The following TNNI3K variants were observed in gnomAD, a reference collection of about 807,000 sequenced individuals.
The protein encoded by TNNI3K is serine/threonine-protein kinase TNNI3K.
In TNNI3K, 140 loss-of-function variants were observed where a neutral mutation model predicts 114.5. The ratio of observed to expected loss-of-function variants is 1.22; its 90% CI spans 1.07 to 1.41. The LOEUF is 1.41. Ranked by LOEUF, TNNI3K falls within the 40% of genes most tolerant of loss-of-function variation. The pLI, the probability that TNNI3K is intolerant of heterozygous loss-of-function variation, is 0.00. For synonymous variants in TNNI3K, 347 were observed against 347.5 expected (o/e 1.00, Z 0.02); for missense variants, 1,125 against 1,007.6 (o/e 1.12, Z -1.58).
At chr1:74,488,051 AT>A (rs1288019934) in intron 21 of TNNI3K, among the ~76,000 whole-genome samples, 1 of 152,350 alleles carries the variant, frequency 6.6e-6, no homozygotes, top group South Asian at 2.1e-4. Context: ...AGGTCAGGCT[AT>A]TTTAATGATC....
intron 20 of TNNI3K, among the ~76,000 whole-genome samples, chr1:74,453,617 A>G (rs1667114789): frequency 6.6e-6 from 1 of 152,168 alleles, no homozygotes; most frequent in Non-Finnish European, 1.5e-5. Context: ...CACAAGTGAT[A>G]GGGATACATT....
At chr1:74,244,981 A>T (rs528069376) in intron 2 of TNNI3K, among the ~76,000 whole-genome samples, 3 of 152,308 alleles carry the variant, frequency 2.0e-5, no homozygotes, top group African/African-American at 7.2e-5. Context: ...TCTCATGTGC[A>T]GTTCTGTGTT....
chr1:74,405,876 G>A (rs1040247163), intron 17 of TNNI3K, among the ~76,000 whole-genome samples: 1 of 152,118 alleles, frequency 6.6e-6, no homozygotes, highest in Non-Finnish European at 1.5e-5. Flanking sequence ...TTGGACTTTT[G>A]CTTACTATAA....
chr1:74,236,126 A>G lies in TNNI3K; in HGVS notation c.65A>G (p.Glu22Gly), dbSNP rs200833983. 1 of 1,607,522 alleles carries G rather than the reference A, an allele frequency of 6.2e-7. No individual in the cohort carries two copies. The highest frequency in any genetic ancestry group is 8.5e-7 in the Non-Finnish European group (1 of 1,175,730). Residue 22 changes from glutamate (E) to glycine (G), a missense_variant, in exon 2 of 25, where the codon GAA (glutamate) becomes GGA (glycine). Coordinates refer to ENST00000326637, the MANE Select transcript of TNNI3K (RefSeq NM_015978.3). ...GATGAATGGAAGAAAAAAGTCAGTG[A>G]ATCATATGTTATCACAATAGAAAGA... ...CTDEWKKKVS[E>G]SYVITIERLE... is the part of the protein sequence containing the mutation.
At chr1:74,518,874 C>CTTTTTTTTTTTT (rs1327871291) in intron 23 of TNNI3K, among the ~76,000 whole-genome samples, 2 of 29,052 alleles carry the variant, frequency 6.9e-5, no homozygotes, top group African/African-American at 1.7e-4. Context: ...TTTTTTTCCC[C>CTTTTTTTTTTTT]TTTTTTTTTT....
At chr1:74,423,113 G>A (rs1418599497) in intron 17 of TNNI3K, among the ~76,000 whole-genome samples, 1 of 151,746 alleles carries the variant, frequency 6.6e-6, no homozygotes, top group Admixed American at 6.6e-5. Context: ...ATCCTTTCAC[G>A]CTTCAGCTTA....
At chr1:74,243,882 A>T (rs1654393891) in intron 2 of TNNI3K, among the ~76,000 whole-genome samples, 1 of 152,134 alleles carries the variant, frequency 6.6e-6, no homozygotes, top group Non-Finnish European at 1.5e-5. Flanking sequence ...ACAGTGTGGC[A>T]TGGCAGGTGA....
intron 23 of TNNI3K, among the ~76,000 whole-genome samples, chr1:74,532,327 T>G (rs1391817246): frequency 1.3e-5 from 2 of 152,194 alleles, no homozygotes; most frequent in African/African-American, 4.8e-5. Flanking sequence ...GGGATGTTTC[T>G]CTAAGAAGAA....
chr1:74,291,537 C>G (rs1268579791), intron 5 of TNNI3K, among the ~76,000 whole-genome samples: 1 of 151,538 alleles, frequency 6.6e-6, no homozygotes, highest in South Asian at 2.1e-4. Flanking sequence ...AACTGAGTTC[C>G]AGAAAGGTTA....
chr1:74,413,396 T>G (rs1257280126), intron 17 of TNNI3K, among the ~76,000 whole-genome samples: 1 of 152,328 alleles, frequency 6.6e-6, no homozygotes, highest in South Asian at 2.1e-4. Flanking sequence ...CACCTCTTCT[T>G]AATCCCAAGC....
chr1:74,501,487 TG>T (rs1364223512), intron 23 of TNNI3K, among the ~76,000 whole-genome samples: 1 of 124,572 alleles, frequency 8.0e-6, no homozygotes, highest in Non-Finnish European at 1.5e-5. Context: ...TTTGTTTGTT[TG>T]TTTGTTTGTT....
intron 17 of TNNI3K, among the ~76,000 whole-genome samples, chr1:74,414,157 A>T (rs1200369089): frequency 6.6e-6 from 1 of 152,206 alleles, no homozygotes. Flanking sequence ...TTAAAATCCT[A>T]TGAAATTTTT....
chr1:74,322,665 T>C (rs1659684477), intron 5 of TNNI3K, among the ~76,000 whole-genome samples: 1 of 152,050 alleles, frequency 6.6e-6, no homozygotes, highest in Non-Finnish European at 1.5e-5. Flanking sequence ...TTCACCATGT[T>C]GTCCAGGCTG....
At chr1:74,470,427 C>G (rs1667868077) in intron 21 of TNNI3K, 1 of 400,654 alleles carries the variant, frequency 2.5e-6, no homozygotes, top group Non-Finnish European at 4.4e-6. Context: ...CATTTCTGGG[C>G]AATGCATTTG....
At chr1:74,241,670 ATATTAGCCCT>A (rs1654224487) in intron 2 of TNNI3K, among the ~76,000 whole-genome samples, 1 of 151,990 alleles carries the variant, frequency 6.6e-6, no homozygotes, top group African/African-American at 2.4e-5. Context: ...TAGATTCTAG[ATATTAGCCCT>A]TTGTCAGATG....
chr1:74,434,721 G>A (rs1010123493), intron 17 of TNNI3K, among the ~76,000 whole-genome samples: 8 of 151,894 alleles, frequency 5.3e-5, no homozygotes, highest in African/African-American at 1.9e-4. Context: ...GGAGGTCCCT[G>A]TTTTGTTTGA....
intron 19 of TNNI3K, among the ~76,000 whole-genome samples, chr1:74,438,753 C>T (rs1272237185): frequency 6.6e-6 from 1 of 152,014 alleles, no homozygotes; most frequent in African/African-American, 2.4e-5. Context: ...TGTGAAATTA[C>T]AAATGAAAAG....
At chr1:74,398,001 A>C (rs1312969969) in intron 17 of TNNI3K, among the ~76,000 whole-genome samples, 1 of 152,146 alleles carries the variant, frequency 6.6e-6, no homozygotes, top group Non-Finnish European at 1.5e-5. Context: ...GGGGGAAAAA[A>C]TTAATACATG....
At chr1:74,280,938 G>A (rs1014932069) in intron 5 of TNNI3K, among the ~76,000 whole-genome samples, 7 of 152,276 alleles carry the variant, frequency 4.6e-5, no homozygotes, top group African/African-American at 1.7e-4. Context: ...GGAGAAGGAA[G>A]AGTATAGAGG....
Sources: gnomAD v4.1 joint callset for allele counts (sites outside exome capture counted in the v4.1 genomes callset) on GRCh38, gnomAD v4.1.1 for gene constraint, MANE v1.5 for transcripts, NCBI Gene and HGNC (gene_info 2026-07-23, HGNC 2026-07-21) for gene names.